Variants in ATP11C observed in about 807,000 individuals in gnomAD.
ATP11C encodes ATPase phospholipid transporting 11C (ATP11C blood group), also known as phospholipid-transporting ATPase IG.
Under a neutral mutation model 97.4 loss-of-function variants are expected in ATP11C, and 36 were observed. The ratio of observed to expected loss-of-function variants is 0.37; its 90% CI spans 0.28 to 0.49. The LOEUF (loss-of-function observed/expected upper bound fraction) is 0.49, where lower values mean the gene tolerates loss of function less well. Ranked by LOEUF, ATP11C falls within the 20% of genes least tolerant of loss-of-function variation. The pLI, the probability that ATP11C is intolerant of heterozygous loss-of-function variation, is 0.98. For missense variants in ATP11C, 730 were observed against 824.6 expected, an observed-to-expected ratio of 0.89 and a Z score of 1.40; for synonymous variants, 275 against 290.9, an observed-to-expected ratio of 0.95 and a Z score of 0.56.
chrX:139,887,983 A>C (rs2084671350), intron 1 of ATP11C, among the ~76,000 whole-genome samples: 2 of 106,145 alleles, frequency 1.9e-5, no homozygotes, highest in Admixed American at 1.0e-4. Context: ...AAAAAAAAAA[A>C]AAACACACAC....
intron 4 of ATP11C, among the ~76,000 whole-genome samples, chrX:139,816,622 G>C (rs1448945343): frequency 2.7e-5 from 3 of 112,087 alleles, no homozygotes; most frequent in Non-Finnish European, 5.6e-5. Context: ...TGACTGGGCT[G>C]TACCTTTTAC....
intron 5 of ATP11C, among the ~76,000 whole-genome samples, chrX:139,806,622 A>G (rs749206297): frequency 2.7e-5 from 3 of 111,484 alleles, no homozygotes; most frequent in Non-Finnish European, 5.6e-5. Context: ...ATGACAGTTC[A>G]GAATCTCTAC....
chrX:139,731,702 G>A lies in ATP11C; in HGVS notation c.3342C>T (p.Val1114=). 8.4e-7 allele frequency: 1 copy of A among 1,197,498 alleles called. No individual in the cohort carries two copies. Among genetic ancestry groups the A allele is most frequent in the African/African-American group, 1.7e-5 (1 of 57,396 alleles). The stretch of plus-strand genomic sequence containing the variant: ...AGAATGTTCGTAAAAGAAGAGGTCT[G>A]ACTGAAGGTCTGGCGGATAATGAGT... The part of the protein sequence containing the change: ...ASDSLSARPS[V]RPLLLRTFSD... Residue 1114 remains valine (V), a synonymous_variant, in exon 29 of 30, where the codon GTC becomes GTT. Transcript: ENST00000682941.
intron 26 of ATP11C, among the ~76,000 whole-genome samples, chrX:139,741,374 G>C (rs2081552319): frequency 9.0e-6 from 1 of 110,779 alleles, no homozygotes; most frequent in Admixed American, 9.6e-5. Context: ...CAGTACTGGG[G>C]AATGGGCAAG....
intron 23 of ATP11C, among the ~76,000 whole-genome samples, chrX:139,756,968 T>TAAAA (rs756085784): frequency 1.6e-4 from 6 of 37,256 alleles, no homozygotes; most frequent in Non-Finnish European, 2.7e-4. Context: ...AACCTAAAAG[T>TAAAA]AAAAAAAAAA....
intron 11 of ATP11C, 124 bp downstream of exon 11, chrX:139,797,052 G>T: frequency 1.9e-6 from 1 of 526,434 alleles, no homozygotes; most frequent in Non-Finnish European, 3.0e-6. Context: ...TTGGCTTAGA[G>T]CCACCATGTA....
At position 139,932,960 on chromosome X, in the gene ATP11C, CT is replaced by C. The variant is rs2085467481; in HGVS notation, c.-919del. The stretch of plus-strand genomic sequence containing the variant: ...CGCCGCTGTACTCCCACCTACGCGG[CT>C]TTCCCTCCTCTCAGTCTTTCTCTCG... On this transcript the variant is annotated 5_prime_UTR_variant, in exon 1 of 30. Coordinates refer to ENST00000682941, the MANE Select transcript of ATP11C (RefSeq NM_001353812.2). The C allele has an allele frequency of 8.9e-6, 1 of 112,549 alleles. No homozygotes were observed. 9.3% of individuals were successfully genotyped at this position (112,549 alleles called of 1,213,427 possible). A position where few individuals can be genotyped will look rare whatever the true frequency, so the allele number is the denominator to read the frequency against.
chrX:139,917,507 C>G lies in ATP11C; in HGVS notation c.27+14509G>C, dbSNP rs1409722635. Among the ~76,000 whole-genome samples the G allele has an allele frequency of 3.6e-5, 4 of 111,102 alleles. No homozygotes were observed. In the East Asian group the frequency reaches 8.5e-4, roughly 24 times the overall value. On this transcript the variant is annotated intron_variant, in intron 1 of 29. Coordinates refer to ENST00000682941, the MANE Select transcript of ATP11C (RefSeq NM_001353812.2). ...GAGCAACAACAAAAAAGGAAATAAC[C>G]CCCCCGCAACCAAAATGGGTAAAGG...
At chrX:139,810,316 A>G (rs2083142634) in intron 5 of ATP11C, among the ~76,000 whole-genome samples, 2 of 111,078 alleles carry the variant, frequency 1.8e-5, no homozygotes, top group Non-Finnish European at 3.8e-5. Context: ...TTAGTCGGGC[A>G]TGGTGGCGCA....
At chrX:139,826,504 T>C (rs1448961003) in intron 2 of ATP11C, among the ~76,000 whole-genome samples, 200 bp downstream of exon 2, 2 of 111,294 alleles carry the variant, frequency 1.8e-5, no homozygotes, top group African/African-American at 6.5e-5. Flanking sequence ...AAGTGAATGA[T>C]CTTTCACCTA....
chrX:139,785,386 C>T, intron 15 of ATP11C, 87 bp from the exon 16 acceptor site: 1 of 658,105 alleles, frequency 1.5e-6, no homozygotes, highest in East Asian at 3.3e-5. Context: ...ATTTAAACAT[C>T]TTAAATCAAC....
At chrX:139,761,778 G>A (rs1478942101) in intron 22 of ATP11C, among the ~76,000 whole-genome samples, 183 bp downstream of exon 22, 1 of 109,686 alleles carries the variant, frequency 9.1e-6, no homozygotes, top group East Asian at 2.8e-4. Context: ...CAAAAATTTT[G>A]CATCAAAAGG....
intron 1 of ATP11C, among the ~76,000 whole-genome samples, chrX:139,838,279 A>G (rs945927776): frequency 1.8e-5 from 2 of 111,999 alleles, no homozygotes; most frequent in Non-Finnish European, 3.8e-5. Context: ...TGTCCAATAT[A>G]CCTTTGAGTT....
intron 2 of ATP11C, among the ~76,000 whole-genome samples, chrX:139,820,214 A>T (rs1485959433): frequency 9.4e-6 from 1 of 106,837 alleles, no homozygotes; most frequent in Non-Finnish European, 1.9e-5. Flanking sequence ...AGGCCTGGGC[A>T]ACATGGTGAA....
intron 1 of ATP11C, among the ~76,000 whole-genome samples, chrX:139,928,705 T>G (rs1467686026): frequency 1.8e-5 from 2 of 112,068 alleles, no homozygotes; most frequent in Admixed American, 1.9e-4. Context: ...GATTATATGC[T>G]ACATGCTTTA....
intron 1 of ATP11C, among the ~76,000 whole-genome samples, chrX:139,852,210 C>T (rs939835212): frequency 1.8e-5 from 2 of 110,226 alleles, no homozygotes; most frequent in Non-Finnish European, 3.8e-5. Context: ...TGTAAGGGTG[C>T]ACCCTTCTAT....
chrX:139,918,441 G>A (rs770612352), intron 1 of ATP11C, among the ~76,000 whole-genome samples: 15 of 108,560 alleles, frequency 1.4e-4, no homozygotes, highest in African/African-American at 4.4e-4. Flanking sequence ...GCGAAACCCC[G>A]TCTCTACTAA....
intron 1 of ATP11C, 126 bp downstream of exon 1, chrX:139,931,887 GGAA>G (rs1233233104): frequency 1.1e-4 from 96 of 838,905 alleles, no homozygotes; most frequent in Non-Finnish European, 1.5e-4. Context: ...TCGGTGAAAA[GGAA>G]GAAGAGGGGT....
chrX:139,807,468 TA>T (rs1251315830), intron 5 of ATP11C, among the ~76,000 whole-genome samples: 1 of 111,289 alleles, frequency 9.0e-6, no homozygotes, highest in Non-Finnish European at 1.9e-5. Context: ...TCAGAACACA[TA>T]TACCACTGAC....
Sources: gnomAD v4.1 joint callset for allele counts (sites outside exome capture counted in the v4.1 genomes callset) on GRCh38, gnomAD v4.1.1 for gene constraint, MANE v1.5 for transcripts, NCBI Gene and HGNC (gene_info 2026-07-23, HGNC 2026-07-21) for gene names.